Variants in RBFOX1 observed in about 807,000 individuals in gnomAD.
RBFOX1 encodes the protein RNA binding fox-1 homolog 1, also known as RNA binding protein fox-1 homolog 1.
Under a neutral mutation model 57.7 loss-of-function variants are expected in RBFOX1, and 8 were observed. The ratio of observed to expected loss-of-function variants is 0.14; its 90% CI spans 0.08 to 0.25. RBFOX1 has a LOEUF of 0.25. Ranked by LOEUF, RBFOX1 falls within the 10% of genes least tolerant of loss-of-function variation. The probability of loss-of-function intolerance (pLI) is 1.00; values close to 1 mark genes in which losing one functional copy is unlikely to be tolerated. For synonymous variants in RBFOX1, 326 were observed against 222.4 expected, an observed-to-expected ratio of 1.47 and a Z score of -4.15; for missense variants, 611 against 548.5, an observed-to-expected ratio of 1.11 and a Z score of -1.14.
At chr16:5,745,442 C>T in intron 3 of RBFOX1, among the ~76,000 whole-genome samples, 1 of 152,128 alleles carries the variant, frequency 6.6e-6, no homozygotes, top group East Asian at 1.9e-4. Context: ...ATTTACAATC[C>T]TTTCAGTATA....
chr16:6,797,541 C>G (rs2084367277), intron 3 of RBFOX1, among the ~76,000 whole-genome samples: 1 of 152,076 alleles, frequency 6.6e-6, no homozygotes, highest in South Asian at 2.1e-4. Context: ...TTTACTGCAC[C>G]TATTATATTA....
chr16:6,946,282 A>G (rs370063919), intron 3 of RBFOX1, among the ~76,000 whole-genome samples: 5 of 152,222 alleles, frequency 3.3e-5, no homozygotes, highest in East Asian at 3.9e-4. Context: ...CATAGACAAT[A>G]ACATATGGGT....
At chr16:7,084,083 C>G (rs780881854) in intron 4 of RBFOX1, among the ~76,000 whole-genome samples, 1 of 152,308 alleles carries the variant, frequency 6.6e-6, no homozygotes. Context: ...GATCAAACGT[C>G]TGCAAAGCAT....
At chr16:5,437,331 G>T (rs1176296086) in intron 1 of RBFOX1, among the ~76,000 whole-genome samples, 1 of 152,110 alleles carries the variant, frequency 6.6e-6, no homozygotes, top group African/African-American at 2.4e-5. Flanking sequence ...TTTTTGTAAA[G>T]GTAATCTGGC....
intron 3 of RBFOX1, among the ~76,000 whole-genome samples, chr16:6,835,131 G>T (rs929053807): frequency 4.1e-4 from 62 of 151,970 alleles, no homozygotes; most frequent in African/African-American, 1.4e-3. Flanking sequence ...TCAATCTCCT[G>T]ACCCTGTGAT....
intron 3 of RBFOX1, among the ~76,000 whole-genome samples, chr16:5,821,593 A>G (rs528656075): frequency 1.1e-4 from 17 of 152,242 alleles, no homozygotes; most frequent in African/African-American, 4.1e-4. Flanking sequence ...ATGACCTACC[A>G]TGTCTGGTTC....
intron 9 of RBFOX1, among the ~76,000 whole-genome samples, chr16:7,598,108 A>G (rs1445182331): frequency 3.3e-5 from 5 of 152,182 alleles, no homozygotes; most frequent in African/African-American, 1.2e-4. Flanking sequence ...TGATTCTTTA[A>G]TTCCTCTCAA....
intron 3 of RBFOX1, among the ~76,000 whole-genome samples, chr16:5,784,876 G>A (rs550413637): frequency 1.3e-5 from 2 of 152,218 alleles, no homozygotes; most frequent in Admixed American, 6.5e-5. Context: ...CTCCCGGTGC[G>A]TTGATCTTGG....
At chr16:5,610,888 T>A (rs552306564) in intron 3 of RBFOX1, among the ~76,000 whole-genome samples, 1 of 151,910 alleles carries the variant, frequency 6.6e-6, no homozygotes, top group East Asian at 1.9e-4. Context: ...AAAATAAAAA[T>A]AAATAAAAAT....
chr16:7,232,063 T>C (rs768159448), intron 4 of RBFOX1, among the ~76,000 whole-genome samples: 11 of 152,130 alleles, frequency 7.2e-5, no homozygotes, highest in Admixed American at 1.3e-4. Flanking sequence ...TCTCGGTCTG[T>C]CACCCAGGCT....
At chr16:6,764,157 C>T (rs1302603942) in intron 3 of RBFOX1, among the ~76,000 whole-genome samples, 1 of 152,154 alleles carries the variant, frequency 6.6e-6, no homozygotes, top group Non-Finnish European at 1.5e-5. Context: ...ATTCCCTAGT[C>T]CCCTTAAGCT....
At chr16:6,896,098 C>A (rs920010703) in intron 3 of RBFOX1, among the ~76,000 whole-genome samples, 2 of 152,018 alleles carry the variant, frequency 1.3e-5, no homozygotes, top group Non-Finnish European at 1.5e-5. Flanking sequence ...CATGGTGAAA[C>A]CCCATCTCTA....
intron 1 of RBFOX1, among the ~76,000 whole-genome samples, chr16:5,303,519 C>T (rs555408930): frequency 3.8e-4 from 58 of 152,218 alleles, no homozygotes; most frequent in African/African-American, 1.4e-3. Flanking sequence ...TTCTGAAACC[C>T]TGGAGAAAAG....
intron 1 of RBFOX1, chr16:5,270,231 A>C: frequency 1.9e-6 from 1 of 526,912 alleles, no homozygotes; most frequent in South Asian, 2.1e-5. Flanking sequence ...AGTTAAGAAG[A>C]AAATACTTGA....
intron 3 of RBFOX1, among the ~76,000 whole-genome samples, chr16:6,700,589 C>T (rs1436575780): frequency 6.6e-6 from 1 of 152,176 alleles, no homozygotes; most frequent in African/African-American, 2.4e-5. Flanking sequence ...ACCCGGGAGG[C>T]AGAGGTTGCA....
chr16:5,940,389 T>C (rs1026580281), intron 4 of RBFOX1, among the ~76,000 whole-genome samples: 1 of 152,170 alleles, frequency 6.6e-6, no homozygotes, highest in Non-Finnish European at 1.5e-5. Flanking sequence ...CATTTGATCC[T>C]CCTATTAGCC....
At chr16:6,633,336 G>A (rs894888310) in intron 2 of RBFOX1, among the ~76,000 whole-genome samples, 6 of 152,006 alleles carry the variant, frequency 3.9e-5, no homozygotes, top group South Asian at 2.1e-4. Flanking sequence ...GGAATGCAGC[G>A]GCACGATCTT....
intron 3 of RBFOX1, among the ~76,000 whole-genome samples, chr16:6,678,959 A>G (rs567888280): frequency 6.6e-6 from 1 of 152,282 alleles, no homozygotes; most frequent in South Asian, 2.1e-4. Flanking sequence ...TAATTGAATC[A>G]TACAGTGAGA....
At chr16:6,895,313 G>T (rs1222724479) in intron 3 of RBFOX1, among the ~76,000 whole-genome samples, 1 of 150,902 alleles carries the variant, frequency 6.6e-6, no homozygotes, top group Non-Finnish European at 1.5e-5. Context: ...TATAAAACTG[G>T]TTCCATTCAT....
Sources: allele counts gnomAD v4.1 joint callset (sites outside exome capture counted in the v4.1 genomes callset), GRCh38; gene constraint gnomAD v4.1.1; transcripts MANE v1.5; gene names NCBI Gene and HGNC (gene_info 2026-07-23, HGNC 2026-07-21).